ZEB1: variants seen among roughly 807,000 people sequenced by gnomAD.
ZEB1 encodes zinc finger E-box-binding homeobox 1.
A neutral mutation model predicts 84.9 loss-of-function variants in ZEB1; 21 were observed. That is an observed-to-expected ratio of 0.25 (90% CI 0.18 to 0.36). ZEB1 has a LOEUF of 0.36. ZEB1 is among the 10% of genes least tolerant of loss of function. ZEB1 has a pLI of 1.00. For missense variants in ZEB1, 1,104 were observed against 1,330.2 expected, an observed-to-expected ratio of 0.83 and a Z score of 2.65; for synonymous variants, 420 against 471.1, an observed-to-expected ratio of 0.89 and a Z score of 1.41.
intron 1 of ZEB1, among the ~76,000 whole-genome samples, chr10:31,432,804 A>G (rs1382412433): frequency 6.6e-6 from 1 of 152,246 alleles, no homozygotes; most frequent in Non-Finnish European, 1.5e-5. Flanking sequence ...TAAAGTTACT[A>G]CATGTTAACA....
At chr10:31,493,941 C>T (rs2066887648) in intron 2 of ZEB1, among the ~76,000 whole-genome samples, 1 of 151,946 alleles carries the variant, frequency 6.6e-6, no homozygotes, top group African/African-American at 2.4e-5. Flanking sequence ...ATAAATTAAT[C>T]AAATTGCAGT....
chr10:31,497,924 A>ACTAGATAGATAG (rs2067482406), intron 3 of ZEB1, among the ~76,000 whole-genome samples: 1 of 145,382 alleles, frequency 6.9e-6, no homozygotes, highest in African/African-American at 2.5e-5. Flanking sequence ...AGGATGGAAA[A>ACTAGATAGATAG]ATAGATAGAT....
chr10:31,331,445 A>G lies in ZEB1; in HGVS notation c.58+12153A>G, dbSNP rs557554677. 2.0e-5 allele frequency among the ~76,000 whole-genome samples: 3 copies of G among 152,288 alleles called. No individual in the cohort carries two copies. The East Asian group carries it at 5.8e-4, about 29-fold the overall frequency. ...ATTTGGCCTCTGAAATTGAGAAAAT[A>G]ATTCCATTTATCTGGGCCTATGTTT... On this transcript the variant is annotated intron_variant, in intron 1 of 8. Transcript: ENST00000424869.
chr10:31,519,581 T>C (rs1270036420), intron 6 of ZEB1, among the ~76,000 whole-genome samples: 2 of 152,238 alleles, frequency 1.3e-5, no homozygotes, highest in Non-Finnish European at 2.9e-5. Context: ...CCAATGCTTA[T>C]AGAATATCTT....
At chr10:31,469,734 C>T (rs1208406629) in intron 2 of ZEB1, among the ~76,000 whole-genome samples, 2 of 152,198 alleles carry the variant, frequency 1.3e-5, no homozygotes, top group Non-Finnish European at 2.9e-5. Flanking sequence ...GCCTGCCTGC[C>T]TCTGTAGGCT....
intron 1 of ZEB1, among the ~76,000 whole-genome samples, chr10:31,411,759 T>C (rs1003711474): frequency 3.3e-5 from 5 of 152,080 alleles, no homozygotes; most frequent in African/African-American, 7.2e-5. Context: ...TAGGCTCTTT[T>C]TCTGGGTCTC....
chr10:31,512,273 T>G (rs897060001), intron 5 of ZEB1, among the ~76,000 whole-genome samples: 2 of 152,122 alleles, frequency 1.3e-5, no homozygotes, highest in African/African-American at 4.8e-5. Flanking sequence ...AGAGGACAGA[T>G]TGAACTGGTG....
chr10:31,457,763 A>G (rs2061406959), intron 1 of ZEB1, among the ~76,000 whole-genome samples: 2 of 152,042 alleles, frequency 1.3e-5, no homozygotes, highest in Admixed American at 6.6e-5. Context: ...GTTAAAAAGA[A>G]CTCAGTAAAA....
intron 1 of ZEB1, chr10:31,387,382 C>T (rs1237891760): frequency 3.4e-6 from 3 of 872,100 alleles, no homozygotes; most frequent in Non-Finnish European, 4.1e-6. Context: ...AAGGGAGGCC[C>T]TACCTGTGGG....
chr10:31,453,050 T>C (rs2137123997), intron 1 of ZEB1, among the ~76,000 whole-genome samples: 1 of 152,266 alleles, frequency 6.6e-6, no homozygotes, highest in African/African-American at 2.4e-5. Flanking sequence ...AAGTAGTCTG[T>C]TAGTTTTTAA....
At chr10:31,497,884 G>T (rs1031872118) in intron 3 of ZEB1, among the ~76,000 whole-genome samples, 2 of 151,570 alleles carry the variant, frequency 1.3e-5, no homozygotes, top group African/African-American at 4.8e-5. Context: ...GGAGGATAAA[G>T]ATAAGAGGAA....
At chr10:31,380,019 T>C (rs1266794820) in intron 1 of ZEB1, among the ~76,000 whole-genome samples, 1 of 152,188 alleles carries the variant, frequency 6.6e-6, no homozygotes, top group African/African-American at 2.4e-5. Context: ...ATTCAGTTTC[T>C]CTGCTTTTAA....
intron 2 of ZEB1, among the ~76,000 whole-genome samples, chr10:31,491,996 T>C (rs1439981915): frequency 6.6e-6 from 1 of 151,966 alleles, no homozygotes; most frequent in Admixed American, 6.6e-5. Context: ...CTGTTGGCAT[T>C]CGCTTTTTTG....
intron 7 of ZEB1, among the ~76,000 whole-genome samples, chr10:31,523,123 CCTT>C (rs777242324): frequency 3.3e-5 from 5 of 152,274 alleles, no homozygotes; most frequent in Non-Finnish European, 5.9e-5. Context: ...TTGTGAAAAA[CCTT>C]CAACTTTTAG....
Position 31,528,945 on chromosome 10 carries a change from T to G in ZEB1, c.*1681T>G, listed in dbSNP as rs543062274. 2.6e-5 allele frequency: 4 copies of G among 152,326 alleles called. No homozygotes were observed. Among genetic ancestry groups the G allele is most frequent in the African/African-American group, 9.6e-5 (4 of 41,586 alleles). The allele number at this position is 152,326 out of a possible 1,614,324, so 9.4% of individuals were successfully genotyped here. ...ATTTTGAAATTCACTGTGTGACTAA[T>G]AGCATGATGCTCTGCAGTTTTATTA... On this transcript the variant is annotated 3_prime_UTR_variant, in exon 9 of 9. Transcript: ENST00000424869.
At position 31,498,998 on chromosome 10, in the gene ZEB1, T is replaced by C. The variant is rs574129390; in HGVS notation, c.322+3160T>C. Among the ~76,000 whole-genome samples the C allele has an allele frequency of 2.6e-5, 4 of 152,256 alleles. No individual in the cohort carries two copies. In the South Asian group the frequency reaches 8.3e-4, roughly 32 times the overall value. Reference sequence around the variant, plus strand: ...CAAATAAAAAGATGAAATAAAATTTTATGTTATAACTGAGTTGCTCAGTTT... The same window carrying C: ...CAAATAAAAAGATGAAATAAAATTTCATGTTATAACTGAGTTGCTCAGTTT... On this transcript the variant is annotated intron_variant, in intron 3 of 8. Transcript: ENST00000424869.
In ZEB1 at chr10:31,497,851, T is replaced by C. The variant is rs536726432; in HGVS notation, c.322+2013T>C. 2.8e-4 allele frequency among the ~76,000 whole-genome samples: 43 copies of C among 152,094 alleles called. No individual in the cohort carries two copies. The South Asian group carries it at 8.9e-3, about 31-fold the overall frequency. ...TCCCTTTTTTTGTTTATATAGTTGA[T>C]AATTTTAGAAAGTTTCAAACATGGA... On this transcript the variant is annotated intron_variant, in intron 3 of 8. Coordinates refer to ENST00000424869, the MANE Select transcript of ZEB1 (RefSeq NM_001174096.2).
chr10:31,477,297 A>G (rs1007990765), intron 2 of ZEB1, among the ~76,000 whole-genome samples: 2 of 152,070 alleles, frequency 1.3e-5, no homozygotes, highest in Non-Finnish European at 2.9e-5. Context: ...CATTTACAGT[A>G]GTCACACACA....
At chr10:31,358,712 A>T (rs2042511187) in intron 1 of ZEB1, 1 of 152,194 alleles carries the variant, frequency 6.6e-6, no homozygotes, top group East Asian at 1.9e-4. Flanking sequence ...AAGTTTAAAA[A>T]TTTTCTGTGT....
Sources: gnomAD v4.1 joint callset for allele counts (sites outside exome capture counted in the v4.1 genomes callset) on GRCh38, gnomAD v4.1.1 for gene constraint, MANE v1.5 for transcripts, NCBI Gene and HGNC (gene_info 2026-07-23, HGNC 2026-07-21) for gene names.